The following PAK5 variants were observed in gnomAD, a reference collection of about 807,000 sequenced individuals.
PAK5 encodes the protein p21 (RAC1) activated kinase 5.
A neutral mutation model predicts 65.9 loss-of-function variants in PAK5; 16 were observed. That is an observed-to-expected ratio of 0.24 (90% confidence interval 0.16 to 0.37). The LOEUF (loss-of-function observed/expected upper bound fraction) is 0.37, where lower values mean the gene tolerates loss of function less well. PAK5 is among the 10% of genes least tolerant of loss of function. The pLI is 1.00. For synonymous variants in PAK5, 371 were observed against 354.9 expected (o/e 1.05, Z -0.51); for missense variants, 785 against 903.9 (o/e 0.87, Z 1.69).
intron 3 of PAK5, among the ~76,000 whole-genome samples, chr20:9,629,938 A>G (rs1161237995): frequency 2.0e-5 from 3 of 152,208 alleles, no homozygotes; most frequent in Non-Finnish European, 4.4e-5. Context: ...AGTGAGGAAC[A>G]CTAATCGGAA....
intron 4 of PAK5, among the ~76,000 whole-genome samples, chr20:9,577,202 T>G (rs2045900270): frequency 6.6e-6 from 1 of 152,074 alleles, no homozygotes; most frequent in South Asian, 2.1e-4. Flanking sequence ...TCTGCTTAGT[T>G]CCAGCAAAAT....
At chr20:9,561,072 T>G (rs1391617188) in intron 6 of PAK5, among the ~76,000 whole-genome samples, 1 of 152,196 alleles carries the variant, frequency 6.6e-6, no homozygotes, top group Non-Finnish European at 1.5e-5. Flanking sequence ...TAAAGGAAGC[T>G]CTCTGAATTC....
chr20:9,580,164 G>C lies in PAK5; in HGVS notation c.971C>G (p.Pro324Arg), dbSNP rs780232768. 6 of 1,612,704 alleles carry C rather than the reference G, an allele frequency of 3.7e-6. No homozygotes were observed. In the South Asian group the frequency reaches 6.6e-5, roughly 18 times the overall value. ...CGTTACCTTTGGAATGCACATTGTG[G>C]GCTCGGACAAGCGAGGGTAGGTGTA... ...NSYTYPRLSE[P>R]TMCIPKVDYD... The change falls in exon 4 of 10, where the codon CCC becomes CGC. Residue 324 changes from proline (P) to arginine (R), a missense_variant. Physicochemically the swap from Pro to Arg is moderately radical, Grantham distance 103 (BLOSUM62 -2). Coordinates refer to ENST00000353224, the MANE Select transcript of PAK5 (RefSeq NM_177990.4).
chr20:9,795,831 G>A (rs1021804793), intron 1 of PAK5, among the ~76,000 whole-genome samples: 3 of 151,990 alleles, frequency 2.0e-5, no homozygotes, highest in Admixed American at 1.3e-4. Flanking sequence ...GGAAGAGAGA[G>A]AAAGAAACAT....
chr20:9,824,527 T>C (rs1461054692), intron 1 of PAK5, among the ~76,000 whole-genome samples: 5 of 152,190 alleles, frequency 3.3e-5, no homozygotes, highest in African/African-American at 1.2e-4. Context: ...ATGAAAAAAC[T>C]TGAGGGTCTT....
intron 3 of PAK5, among the ~76,000 whole-genome samples, chr20:9,595,870 G>GT: frequency 6.6e-6 from 1 of 150,988 alleles, no homozygotes; most frequent in South Asian, 2.1e-4. Context: ...TAGAAATCTT[G>GT]TAACTGTTTC....
Position 9,537,799 on chromosome 20 carries a change from GAT to G in PAK5, c.*1661_*1662del. On this transcript the variant is annotated 3_prime_UTR_variant, in exon 10 of 10. Transcript: ENST00000353224. Reference sequence around the variant, plus strand: ...TGCTGTTTTATGAAGCAAAATCATAGATCATATTTATGGAGGCATTTCCAGTT... The same window carrying G: ...TGCTGTTTTATGAAGCAAAATCATAGCATATTTATGGAGGCATTTCCAGTT... 1 of 222,378 alleles carries G rather than the reference GAT, an allele frequency of 4.5e-6. No homozygotes were observed. The highest frequency in any genetic ancestry group is 6.7e-5 in the East Asian group (1 of 15,004). 13.8% of individuals were successfully genotyped at this position (222,378 alleles called of 1,614,324 possible). A position where few individuals can be genotyped will look rare whatever the true frequency, so the allele number is the denominator to read the frequency against.
intron 3 of PAK5, among the ~76,000 whole-genome samples, chr20:9,581,173 C>G (rs764983246): frequency 1.3e-5 from 2 of 152,122 alleles, no homozygotes; most frequent in Non-Finnish European, 2.9e-5. Flanking sequence ...AAATAACCAT[C>G]AAAAAGCCAT....
intron 1 of PAK5, among the ~76,000 whole-genome samples, chr20:9,797,534 A>G (rs918088067): frequency 2.6e-5 from 4 of 151,346 alleles, no homozygotes; most frequent in African/African-American, 9.7e-5. Context: ...ATTAGGAGAC[A>G]TACCTAATGT....
chr20:9,578,432 C>A (rs1280857131), intron 4 of PAK5, among the ~76,000 whole-genome samples: 1 of 152,156 alleles, frequency 6.6e-6, no homozygotes, highest in Non-Finnish European at 1.5e-5. Flanking sequence ...GTGTAGCCCA[C>A]CCAATATTCA....
rs867074457 is a variant in PAK5 at position 9,580,467 on chromosome 20, G to A, written c.668C>T (p.Ser223Leu). Residue 223 changes from serine to leucine, a missense_variant, in exon 4 of 10, where the codon TCG (serine) becomes TTG (leucine). Ser to Leu is a moderately radical substitution (Grantham distance 145). Coordinates refer to ENST00000353224, the MANE Select transcript of PAK5 (RefSeq NM_177990.4). ...SDLKWEYQRA[S>L]SSSPLDYSFQ... ...TGAATAATCCAGAGGGGAGCTACTC[G>A]AGGCTCTCTGATACTCCCACTTGAG... 1.9e-6 allele frequency: 3 copies of A among 1,613,842 alleles called. No homozygotes were observed. In the African/African-American group the frequency reaches 4.0e-5, roughly 22 times the overall value.
At chr20:9,601,376 G>A (rs1239723469) in intron 3 of PAK5, among the ~76,000 whole-genome samples, 1 of 152,092 alleles carries the variant, frequency 6.6e-6, no homozygotes, top group East Asian at 1.9e-4. Context: ...AACAGAAAGG[G>A]TTGGTTCTAT....
intron 2 of PAK5, among the ~76,000 whole-genome samples, chr20:9,687,886 G>GGTGTGTGTGTGTGTGTGT (rs111641971): frequency 7.4e-5 from 11 of 148,626 alleles, no homozygotes; most frequent in African/African-American, 2.2e-4. Context: ...AAGAGAGGGA[G>GGTGTGTGTGTGTGTGTGT]GTGTGTGTGT....
At chr20:9,701,259 G>A (rs767767154) in intron 2 of PAK5, among the ~76,000 whole-genome samples, 18 of 152,168 alleles carry the variant, frequency 1.2e-4, no homozygotes, top group Non-Finnish European at 2.4e-4. Flanking sequence ...TTTGAAACGT[G>A]TGAAAATATT....
rs572780958 is a variant in PAK5 at position 9,785,931 on chromosome 20, C to T, written c.-162+52831G>A. On this transcript the variant is annotated intron_variant, in intron 1 of 9. Transcript: ENST00000353224. ...ATAGACTGACCCACATATCCTTGAC[C>T]CTCCCCACCTGCCTATCAGTCAGAC... Among the ~76,000 whole-genome samples the T allele has an allele frequency of 3.3e-5, 5 of 152,038 alleles. No homozygotes were observed. In the South Asian group the frequency reaches 1.0e-3, roughly 32 times the overall value.
chr20:9,745,312 A>G (rs1467440878), intron 1 of PAK5, among the ~76,000 whole-genome samples: 1 of 138,192 alleles, frequency 7.2e-6, no homozygotes, highest in Non-Finnish European at 1.5e-5. Context: ...CACATCAAAA[A>G]GCAATTTTTG....
chr20:9,622,592 C>T (rs776453173), intron 3 of PAK5, among the ~76,000 whole-genome samples: 3 of 152,202 alleles, frequency 2.0e-5, no homozygotes, highest in Non-Finnish European at 2.9e-5. Context: ...GCAGGGAGCA[C>T]AGCAGGAGGT....
intron 1 of PAK5, among the ~76,000 whole-genome samples, chr20:9,792,530 A>G (rs2049060682): frequency 6.6e-6 from 1 of 152,192 alleles, no homozygotes; most frequent in Non-Finnish European, 1.5e-5. Flanking sequence ...AATTGCCAGG[A>G]ACTTTTTAAG....
At chr20:9,767,922 C>T (rs1461615796) in intron 1 of PAK5, among the ~76,000 whole-genome samples, 6 of 152,000 alleles carry the variant, frequency 3.9e-5, no homozygotes, top group African/African-American at 1.4e-4. Flanking sequence ...ACTATGCAAC[C>T]ATAAAAAAAG....
Sources: gnomAD v4.1 joint callset for allele counts (sites outside exome capture counted in the v4.1 genomes callset) on GRCh38, gnomAD v4.1.1 for gene constraint, MANE v1.5 for transcripts, NCBI Gene and HGNC (gene_info 2026-07-23, HGNC 2026-07-21) for gene names.